The following MOK variants were observed in gnomAD, a reference collection of about 807,000 sequenced individuals.
The protein encoded by MOK is MOK protein kinase.
MOK carries 59 observed loss-of-function variants against 54.2 expected under a neutral mutation model. The ratio of observed to expected loss-of-function variants is 1.09; its 90% CI spans 0.88 to 1.35. The LOEUF (loss-of-function observed/expected upper bound fraction) is 1.35, where lower values mean the gene tolerates loss of function less well. Ranked by LOEUF, MOK falls within the 40% of genes most tolerant of loss-of-function variation. The pLI is 0.00. For missense variants in MOK, 517 were observed against 526.2 expected (o/e 0.98, Z 0.17); for synonymous variants, 210 against 202.7 (o/e 1.04, Z -0.31).
At chr14:102,254,545 C>T (rs2066776937) in intron 4 of MOK, among the ~76,000 whole-genome samples, 1 of 152,282 alleles carries the variant, frequency 6.6e-6, no homozygotes, top group Admixed American at 6.5e-5. Flanking sequence ...TGTGATCAAA[C>T]CCAGTCTCAC....
intron 4 of MOK, among the ~76,000 whole-genome samples, chr14:102,257,414 G>A (rs2153119987): frequency 6.6e-6 from 1 of 152,176 alleles, no homozygotes; most frequent in Middle Eastern, 3.4e-3. Flanking sequence ...CTTCCTATAG[G>A]CCAAGCCCAG....
chr14:102,218,730 G>C, the MOK span, among the ~76,000 whole-genome samples: 1 of 151,982 alleles, frequency 6.6e-6, no homozygotes, highest in Non-Finnish European at 1.5e-5. Context: ...ACTAATATTA[G>C]AGCCAAGGCT....
Position 102,232,403 on chromosome 14 carries a change from T to C in MOK, c.866+132A>G. On this transcript the variant is annotated intron_variant, in intron 9 of 11. Transcript: ENST00000361847. The surrounding 1 kb of genome is among the most constrained non-coding windows in gnomAD (Gnocchi z 5.1). ...GTGGGCCCCAAGAGGCCCTGACCAC[T>C]CTTCAGGATAGAGAGCGCGATTCCC... 2 of 1,088,918 alleles carry C rather than the reference T, an allele frequency of 1.8e-6. No homozygotes were observed. Among genetic ancestry groups the C allele is most frequent in the Non-Finnish European group, 1.3e-6 (1 of 772,854 alleles). 67.5% of individuals were successfully genotyped at this position (1,088,918 alleles called of 1,614,324 possible). A position where few individuals can be genotyped will look rare whatever the true frequency, so the allele number is the denominator to read the frequency against.
intron 1 of MOK, among the ~76,000 whole-genome samples, chr14:102,295,916 A>T: frequency 6.6e-6 from 1 of 152,184 alleles, no homozygotes; most frequent in East Asian, 1.9e-4. Context: ...TGGGAGGATC[A>T]CTTCAGATCA....
At chr14:102,264,786 A>C (rs910096983) in intron 3 of MOK, 1 of 152,224 alleles carries the variant, frequency 6.6e-6, no homozygotes, top group East Asian at 1.9e-4. Context: ...TTTAACTGGC[A>C]GTGAAGTTTA....
the MOK span, among the ~76,000 whole-genome samples, chr14:102,216,904 GC>G: frequency 0.011 from 1,656 of 152,294 alleles, 31 homozygotes; most frequent in African/African-American, 0.037. Context: ...CTGCACTCCA[GC>G]CTGGGCGACA....
At chr14:102,271,381 CA>C (rs1372024086) in intron 2 of MOK, among the ~76,000 whole-genome samples, 1 of 152,054 alleles carries the variant, frequency 6.6e-6, no homozygotes, top group African/African-American at 2.4e-5. Context: ...TAATAAACAT[CA>C]TTGTGGGAGG....
chr14:102,246,657 C>T (rs1044928261), intron 7 of MOK, among the ~76,000 whole-genome samples: 2 of 152,088 alleles, frequency 1.3e-5, no homozygotes, highest in African/African-American at 2.4e-5. Context: ...CCCTCAAACT[C>T]GACATACAGG....
chr14:102,242,843 C>T (rs527613316), intron 7 of MOK, among the ~76,000 whole-genome samples: 1 of 152,246 alleles, frequency 6.6e-6, no homozygotes, highest in South Asian at 2.1e-4. Flanking sequence ...ACAACCCCTC[C>T]ACAACCCATT....
chr14:102,294,181 T>A (rs1003987875), intron 1 of MOK, among the ~76,000 whole-genome samples: 2 of 151,120 alleles, frequency 1.3e-5, no homozygotes, highest in African/African-American at 4.9e-5. Flanking sequence ...GTGCGGTGGC[T>A]CATGCCTGTA....
At chr14:102,222,697 G>A, downstream of MOK, 1 of 846,912 alleles carries the variant, frequency 1.2e-6, no homozygotes, top group East Asian at 2.5e-5. The surrounding 1 kb of genome is among the most constrained non-coding windows in gnomAD (Gnocchi z 4.4). Context: ...TGAAGTGGAG[G>A]GTTTGCTCCC....
chr14:102,229,226 A>G lies in MOK; in HGVS notation c.*63T>C, dbSNP rs3087686. 0.23 allele frequency: 337,395 copies of G among 1,485,310 alleles called. 45,436 individuals are homozygous for G. Among genetic ancestry groups the G allele is most frequent in the African/African-American group, 0.62 (44,586 of 71,396 alleles). 92.0% of individuals were successfully genotyped at this position (1,485,310 alleles called of 1,614,324 possible). ...CTCCGTGGCGTCTCAGCAGCAGATC[A>G]CCCAGGCCTGGCCCGGTCGGGCTTG... is the stretch of plus-strand genomic sequence containing the variant. On this transcript the variant is annotated 3_prime_UTR_variant, in exon 12 of 12. Transcript: ENST00000361847.
At chr14:102,293,839 C>T (rs1376811321) in intron 1 of MOK, among the ~76,000 whole-genome samples, 1 of 151,250 alleles carries the variant, frequency 6.6e-6, no homozygotes, top group Non-Finnish European at 1.5e-5. Context: ...ATCTACATTA[C>T]TCAATGTTCG....
intron 1 of MOK, among the ~76,000 whole-genome samples, chr14:102,291,491 C>T (rs1213907436): frequency 2.6e-5 from 4 of 152,158 alleles, no homozygotes; most frequent in Non-Finnish European, 5.9e-5. Flanking sequence ...ACCTACCAGG[C>T]CCTGTTCATA....
At chr14:102,254,764 C>T (rs899315387) in intron 4 of MOK, among the ~76,000 whole-genome samples, 3 of 152,224 alleles carry the variant, frequency 2.0e-5, no homozygotes, top group Admixed American at 6.5e-5. Flanking sequence ...GTCCTCGCTT[C>T]GAGAACCATG....
chr14:102,249,753 T>C lies in MOK; in HGVS notation c.590+1059A>G, dbSNP rs2066383469. ...TTTAAACCTGTATAAATAAATTCAA[T>C]TCATATTACATGCCACAAATAATAT... On this transcript the variant is annotated intron_variant, in intron 7 of 11. Coordinates refer to ENST00000361847, the MANE Select transcript of MOK (RefSeq NM_014226.3). The surrounding 1 kb of genome is among the most constrained non-coding windows in gnomAD (Gnocchi z 5.3). Among the ~76,000 whole-genome samples the C allele has an allele frequency of 6.6e-6, 1 of 152,198 alleles. No individual in the cohort carries two copies. Among genetic ancestry groups the C allele is most frequent in the Non-Finnish European group, 1.5e-5 (1 of 68,040 alleles).
chr14:102,260,175 T>A (rs1183639469), intron 4 of MOK, among the ~76,000 whole-genome samples: 3 of 79,524 alleles, frequency 3.8e-5, no homozygotes, highest in East Asian at 3.8e-4. Flanking sequence ...AAACTCCATC[T>A]CAAAAAAAAA....
At chr14:102,270,876 T>C (rs1294797342) in intron 2 of MOK, among the ~76,000 whole-genome samples, 1 of 152,062 alleles carries the variant, frequency 6.6e-6, no homozygotes, top group Non-Finnish European at 1.5e-5. Context: ...TCACTTACAA[T>C]AGCTGAATTT....
intron 7 of MOK, among the ~76,000 whole-genome samples, chr14:102,243,592 G>A (rs577813456): frequency 1.3e-5 from 2 of 152,222 alleles, no homozygotes; most frequent in East Asian, 1.9e-4. Context: ...CACACCTGAT[G>A]CATATACTTT....
Sources: allele counts gnomAD v4.1 joint callset (sites outside exome capture counted in the v4.1 genomes callset), GRCh38; gene constraint gnomAD v4.1.1; non-coding constraint Gnocchi (gnomAD v3.1); transcripts MANE v1.5; gene names NCBI Gene and HGNC (gene_info 2026-07-23, HGNC 2026-07-21).